USP53: variants seen among roughly 807,000 people sequenced by gnomAD.
USP53 encodes the protein ubiquitin carboxyl-terminal hydrolase 53.
In USP53, 71 loss-of-function variants were observed where a neutral mutation model predicts 94.9. The ratio of observed to expected loss-of-function variants is 0.75; its 90% CI spans 0.62 to 0.91. The LOEUF is 0.91. USP53 is among the 40% of genes least tolerant of loss of function. The pLI is 0.00. For missense variants in USP53, 1,173 were observed against 1,281.0 expected, an observed-to-expected ratio of 0.92 and a Z score of 1.29; for synonymous variants, 375 against 422.7, an observed-to-expected ratio of 0.89 and a Z score of 1.39.
At chr4:119,278,407 T>C (rs1440935671) in intron 17 of USP53, among the ~76,000 whole-genome samples, 12 of 147,454 alleles carry the variant, frequency 8.1e-5, no homozygotes, top group Non-Finnish European at 1.5e-4. Context: ...ATTCTTTTCT[T>C]TAAGAATGTT....
intron 3 of USP53, among the ~76,000 whole-genome samples, chr4:119,224,984 C>T (rs1464317275): frequency 6.6e-6 from 1 of 150,992 alleles, no homozygotes; most frequent in Non-Finnish European, 1.5e-5. Flanking sequence ...AACAGGAAAG[C>T]AATAGAAAAA....
rs1755007053 is a variant in USP53, at chr4:119,293,570, C to G, written c.*359C>G. The G allele has an allele frequency of 5.8e-6, 1 of 171,030 alleles. No homozygotes were observed. The highest frequency in any genetic ancestry group is 2.4e-5 in the African/African-American group (1 of 41,926). 10.6% of individuals were successfully genotyped at this position (171,030 alleles called of 1,614,324 possible). ...GATATAATAATTCATTTGTCATATG[C>G]TACAGTTGAATAAAAATTAAATTTG... On this transcript the variant is annotated 3_prime_UTR_variant, in exon 19 of 19. Coordinates refer to ENST00000692078, the MANE Select transcript of USP53 (RefSeq NM_001371395.1).
intron 6 of USP53, among the ~76,000 whole-genome samples, chr4:119,247,964 T>C (rs1561245332): frequency 6.6e-6 from 1 of 152,172 alleles, no homozygotes; most frequent in Non-Finnish European, 1.5e-5. Context: ...TCTTTGTATG[T>C]TGATCTTAAA....
intron 2 of USP53, among the ~76,000 whole-genome samples, chr4:119,214,524 A>C (rs1431112153): frequency 6.6e-6 from 1 of 152,180 alleles, no homozygotes; most frequent in African/African-American, 2.4e-5. Flanking sequence ...CAATTCGTTA[A>C]TATTTTCACT....
intron 17 of USP53, among the ~76,000 whole-genome samples, chr4:119,278,595 T>C (rs1752997961): frequency 1.8e-5 from 2 of 113,468 alleles, no homozygotes; most frequent in East Asian, 2.6e-4. Context: ...TTGCTCTTCT[T>C]GAGGAGTATC....
rs1255293711 is a variant in USP53, at chr4:119,212,903, GA to G, written c.-942+31del. The G allele has an allele frequency of 5.6e-5, 10 of 178,830 alleles. No individual in the cohort carries two copies. The East Asian group carries it at 1.3e-3, about 23-fold the overall frequency. 11.1% of individuals were successfully genotyped at this position (178,830 alleles called of 1,614,324 possible). ...GTCTCCGAAACTAGCCCTCTGGTTG[GA>G]GATCCAGAGACCTGCGACCCCCGCG... On this transcript the variant is annotated intron_variant, in intron 1 of 18. Transcript: ENST00000692078.
chr4:119,232,688 T>C (rs1052811831), intron 3 of USP53, among the ~76,000 whole-genome samples: 1 of 152,224 alleles, frequency 6.6e-6, no homozygotes, highest in Admixed American at 6.5e-5. Context: ...CAGTATTCTT[T>C]TCAATAGTAT....
intron 15 of USP53, 145 bp downstream of exon 15, chr4:119,269,982 A>C (rs1429710046): frequency 4.4e-6 from 1 of 225,174 alleles, no homozygotes; most frequent in Non-Finnish European, 8.3e-6. Context: ...ATATATACCT[A>C]TATCTAATAT....
intron 1 of USP53, chr4:119,213,310 G>T (rs558736321): frequency 6.6e-6 from 1 of 152,380 alleles, no homozygotes; most frequent in African/African-American, 2.4e-5. Flanking sequence ...AGGGGTCCAG[G>T]ATGGTTATGC....
At chr4:119,214,018 T>G (rs1202820841) in intron 1 of USP53, 52 bp from the exon 2 acceptor site, 1 of 152,042 alleles carries the variant, frequency 6.6e-6, no homozygotes, top group Non-Finnish European at 1.5e-5. Context: ...AAATGTCTGT[T>G]GGAAATGAAC....
intron 3 of USP53, among the ~76,000 whole-genome samples, chr4:119,227,048 T>G (rs1003395722): frequency 3.3e-5 from 5 of 151,702 alleles, no homozygotes; most frequent in Non-Finnish European, 7.4e-5. Context: ...CCCAAGGTGC[T>G]CTCAAACTCC....
chr4:119,213,641 G>GATATATTAGATATATATAGATATATATAT (rs1553961986), intron 1 of USP53, among the ~76,000 whole-genome samples: 7 of 108,090 alleles, frequency 6.5e-5, no homozygotes, highest in East Asian at 2.4e-4. Flanking sequence ...TCTGGAAATA[G>GATATATTAGATATATATAGATATATATAT]ATATATATAT....
Position 119,292,968 on chromosome 4 carries a change from CA to C in USP53, c.2981del (p.Asn994ThrfsTer29). On this transcript the variant is annotated frameshift_variant, in exon 19 of 19. Coordinates refer to ENST00000692078, the MANE Select transcript of USP53 (RefSeq NM_001371395.1). LOFTEE classifies it low-confidence loss of function (END_TRUNC). The stretch of plus-strand genomic sequence containing the variant: ...CATTTCAAGTGAGAGAATGTTTTGG[CA>C]ACACACCAAACTGTCCATCCAGCTC... ...ETFQVRECFG[N>X]TPNCPSSSST... is the part of the protein sequence containing the mutation. 6.2e-7 allele frequency: 1 copy of C among 1,614,090 alleles called. No homozygotes were observed.
At chr4:119,233,164 T>C (rs1561210685) in intron 3 of USP53, among the ~76,000 whole-genome samples, 2 of 146,128 alleles carry the variant, frequency 1.4e-5, no homozygotes, top group African/African-American at 5.1e-5. Context: ...GTGTTTATGT[T>C]TCTCTCTCTC....
intron 3 of USP53, among the ~76,000 whole-genome samples, chr4:119,229,390 C>G (rs1296644985): frequency 6.6e-6 from 1 of 152,132 alleles, no homozygotes; most frequent in Non-Finnish European, 1.5e-5. Context: ...TTATGTCCAA[C>G]CCTAAACTCT....
chr4:119,292,587 C>A lies in USP53; in HGVS notation c.2598C>A (p.His866Gln). 1 of 1,614,056 alleles carries A rather than the reference C, an allele frequency of 6.2e-7. No homozygotes were observed. The highest frequency in any genetic ancestry group is 8.5e-7 in the Non-Finnish European group (1 of 1,179,952). The change falls in exon 19 of 19, where the codon CAC becomes CAA. Residue 866 changes from histidine (H) to glutamine (Q), a missense_variant. Transcript: ENST00000692078. ...AACCATCTTCATTATGGTCTTCACA[C>A]CTAAGAACTGTTGGGTTAAAGCCAG... ...SNEPSSLWSS[H>Q]LRTVGLKPET...
chr4:119,290,345 G>C (rs1241534437), intron 17 of USP53, among the ~76,000 whole-genome samples: 1 of 152,036 alleles, frequency 6.6e-6, no homozygotes, highest in Non-Finnish European at 1.5e-5. Context: ...AAAACTATTT[G>C]GTGCCTATTA....
chr4:119,244,224 T>G (rs1358124631), intron 5 of USP53, among the ~76,000 whole-genome samples: 1 of 152,224 alleles, frequency 6.6e-6, no homozygotes, highest in Non-Finnish European at 1.5e-5. Context: ...CATCATCAAG[T>G]GCTTTGCAAA....
At chr4:119,273,793 A>G in intron 17 of USP53, 85 bp downstream of exon 17, 2 of 1,079,880 alleles carry the variant, frequency 1.9e-6, no homozygotes, top group Non-Finnish European at 2.7e-6. Context: ...CTGAGAGAAA[A>G]TCCTATATGA....
Sources: gnomAD v4.1 joint callset for allele counts (sites outside exome capture counted in the v4.1 genomes callset) on GRCh38, gnomAD v4.1.1 for gene constraint, MANE v1.5 for transcripts, NCBI Gene and HGNC (gene_info 2026-07-23, HGNC 2026-07-21) for gene names.